Variants in TMCO4 observed in about 807,000 individuals in gnomAD.
The protein encoded by TMCO4 is transmembrane and coiled-coil domain-containing protein 4.
TMCO4 carries 58 observed loss-of-function variants against 64.7 expected under a neutral mutation model. The ratio of observed to expected loss-of-function variants is 0.90; its 90% CI spans 0.73 to 1.12. The LOEUF (loss-of-function observed/expected upper bound fraction) is 1.12. Ranked by LOEUF, TMCO4 falls within the 50% of genes most tolerant of loss-of-function variation. TMCO4 has a pLI of 0.00. For missense variants in TMCO4, 780 were observed against 825.9 expected (o/e 0.94, Z 0.68); for synonymous variants, 325 against 346.1 (o/e 0.94, Z 0.68).
At chr1:19,768,582 T>TG (rs201138325) in intron 6 of TMCO4, among the ~76,000 whole-genome samples, 1 of 151,838 alleles carries the variant, frequency 6.6e-6, no homozygotes, top group African/African-American at 2.4e-5. Context: ...GCCACTCCCT[T>TG]GGGGGCCGCC....
intron 15 of TMCO4, among the ~76,000 whole-genome samples, chr1:19,685,710 CT>C (rs55783904): frequency 0.25 from 25,962 of 104,910 alleles, 2,969 homozygotes; most frequent in East Asian, 0.48. Context: ...AGGCCTGTTT[CT>C]TTTTTTTTTT....
chr1:19,753,433 G>C (rs576358272), intron 7 of TMCO4, among the ~76,000 whole-genome samples: 23 of 152,334 alleles, frequency 1.5e-4, no homozygotes, highest in Non-Finnish European at 2.5e-4. Context: ...GGCACAGAGA[G>C]GAGAGGTGAA....
intron 4 of TMCO4, among the ~76,000 whole-genome samples, chr1:19,776,567 T>C (rs2043212085): frequency 6.6e-6 from 1 of 152,164 alleles, no homozygotes; most frequent in African/African-American, 2.4e-5. Context: ...GACCAACCAA[T>C]ATTTGCTTGG....
intron 4 of TMCO4, among the ~76,000 whole-genome samples, chr1:19,772,636 A>G (rs2043036410): frequency 6.6e-6 from 1 of 152,156 alleles, no homozygotes; most frequent in South Asian, 2.1e-4. Flanking sequence ...CACTCCCGGG[A>G]AAGGGCTGAC....
intron 6 of TMCO4, among the ~76,000 whole-genome samples, chr1:19,760,910 T>C (rs2042472488): frequency 6.6e-6 from 1 of 152,226 alleles, no homozygotes; most frequent in Non-Finnish European, 1.5e-5. Context: ...GAGATCCAAA[T>C]GCAGGGGACA....
intron 6 of TMCO4, among the ~76,000 whole-genome samples, chr1:19,766,148 T>C (rs1311220617): frequency 6.6e-6 from 1 of 152,208 alleles, no homozygotes; most frequent in African/African-American, 2.4e-5. Flanking sequence ...CCACCCATCT[T>C]TCTATTGCAC....
intron 3 of TMCO4, among the ~76,000 whole-genome samples, chr1:19,786,796 T>C (rs1298887619): frequency 2.0e-5 from 3 of 152,214 alleles, no homozygotes; most frequent in Non-Finnish European, 4.4e-5. Context: ...TAAAAACCTT[T>C]TCTTGAGGCA....
At chr1:19,773,063 A>C (rs1344082322) in intron 4 of TMCO4, among the ~76,000 whole-genome samples, 1 of 152,050 alleles carries the variant, frequency 6.6e-6, no homozygotes, top group Non-Finnish European at 1.5e-5. Flanking sequence ...GGTGGCATGT[A>C]CCTGTAGTCC....
At chr1:19,709,908 C>T (rs1297965159) in intron 13 of TMCO4, among the ~76,000 whole-genome samples, 1 of 151,404 alleles carries the variant, frequency 6.6e-6, no homozygotes, top group African/African-American at 2.4e-5. Flanking sequence ...CCTGCCTCAG[C>T]CTCCCGAGTA....
At chr1:19,724,151 G>A (rs2100754853) in intron 13 of TMCO4, among the ~76,000 whole-genome samples, 1 of 152,348 alleles carries the variant, frequency 6.6e-6, no homozygotes, top group African/African-American at 2.4e-5. Flanking sequence ...TCCCCTGAGA[G>A]CTGCCAGTTG....
chr1:19,764,842 CAAAAAAAAAAAAA>C (rs33963523), intron 6 of TMCO4, among the ~76,000 whole-genome samples: 7 of 70,412 alleles, frequency 9.9e-5, no homozygotes, highest in Admixed American at 3.6e-4. Flanking sequence ...AACTCTGTCT[CAAAAAAAAAAAAA>C]AAAAAAAAAA....
In TMCO4 at chr1:19,743,506, T is replaced by C. The variant is rs2041626466; in HGVS notation, c.877+2026A>G. Among the ~76,000 whole-genome samples, 1 of 152,220 alleles carries C rather than the reference T, an allele frequency of 6.6e-6. No individual in the cohort carries two copies. The highest frequency in any genetic ancestry group is 6.5e-5 in the Admixed American group (1 of 15,286). On this transcript the variant is annotated intron_variant, in intron 10 of 15. Coordinates refer to ENST00000294543, the MANE Select transcript of TMCO4 (RefSeq NM_181719.7). This position sits in a 1 kb window ranked among gnomAD's most constrained non-coding sequence, Gnocchi z 4.1. Reference sequence around the variant, plus strand: ...TCTGAAACTTTCTCTAGCTTGGTTGTATTTCTTTTACCCAGCCCTTTCCCT... The same window carrying C: ...TCTGAAACTTTCTCTAGCTTGGTTGCATTTCTTTTACCCAGCCCTTTCCCT...
chr1:19,686,111 A>G (rs2095147331), intron 15 of TMCO4, among the ~76,000 whole-genome samples: 1 of 152,230 alleles, frequency 6.6e-6, no homozygotes, highest in Non-Finnish European at 1.5e-5. Flanking sequence ...CTCACTTTAC[A>G]GAGAAGGGCA....
chr1:19,715,731 C>T (rs1403327453), intron 13 of TMCO4, among the ~76,000 whole-genome samples: 1 of 152,230 alleles, frequency 6.6e-6, no homozygotes, highest in Non-Finnish European at 1.5e-5. Flanking sequence ...GCAGAAATGG[C>T]TGTGAAGTGG....
rs373545396 is a variant in TMCO4 at position 19,727,071 on chromosome 1, T to C, written c.1264+10301A>G. On this transcript the variant is annotated intron_variant, in intron 13 of 15. Coordinates refer to ENST00000294543, the MANE Select transcript of TMCO4 (RefSeq NM_181719.7). Reference sequence around the variant, plus strand: ...TAGAGCTGGTGGGTTCAGCCCCGGATGGGTTTCTGCAAACCCAAACTGCCT... The same window carrying C: ...TAGAGCTGGTGGGTTCAGCCCCGGACGGGTTTCTGCAAACCCAAACTGCCT... Among the ~76,000 whole-genome samples, 123 of 152,278 alleles carry C rather than the reference T, an allele frequency of 8.1e-4. 3 individuals are homozygous for C. The highest frequency in any genetic ancestry group is 2.8e-3 in the African/African-American group (118 of 41,568).
intron 6 of TMCO4, among the ~76,000 whole-genome samples, chr1:19,763,372 C>T (rs1337627898): frequency 6.6e-6 from 1 of 152,174 alleles, no homozygotes; most frequent in Admixed American, 6.5e-5. Context: ...GCCACCACGC[C>T]GGGCCAAGAA....
chr1:19,707,095 G>A (rs2095306698), intron 13 of TMCO4, among the ~76,000 whole-genome samples: 1 of 152,170 alleles, frequency 6.6e-6, no homozygotes, highest in Non-Finnish European at 1.5e-5. Flanking sequence ...CAATGGCCTC[G>A]AAGCCCTGCC....
At chr1:19,792,052 G>A (rs1180486048) in intron 2 of TMCO4, among the ~76,000 whole-genome samples, 3 of 152,090 alleles carry the variant, frequency 2.0e-5, no homozygotes, top group Admixed American at 1.3e-4. Flanking sequence ...CATGTAAGAC[G>A]TGCCTTTCAC....
chr1:19,778,218 G>A (rs1241782916), intron 4 of TMCO4, among the ~76,000 whole-genome samples: 1 of 151,624 alleles, frequency 6.6e-6, no homozygotes, highest in Non-Finnish European at 1.5e-5. Context: ...TGTGCTGTGT[G>A]CTTTGTCTAC....
Sources: gnomAD v4.1 joint callset for allele counts (sites outside exome capture counted in the v4.1 genomes callset) on GRCh38, gnomAD v4.1.1 for gene constraint, Gnocchi (gnomAD v3.1) non-coding constraint, MANE v1.5 for transcripts, NCBI Gene and HGNC (gene_info 2026-07-23, HGNC 2026-07-21) for gene names.